Variants in RORA observed in about 807,000 individuals in gnomAD.
RORA encodes the protein nuclear receptor ROR-alpha.
Under a neutral mutation model 69.5 loss-of-function variants are expected in RORA, and 7 were observed. The ratio of observed to expected loss-of-function variants is 0.10; its 90% CI spans 0.06 to 0.19. The LOEUF (loss-of-function observed/expected upper bound fraction) is 0.19. RORA is among the 10% of genes least tolerant of loss of function. The pLI is 1.00. For synonymous variants in RORA, 261 were observed against 240.8 expected (o/e 1.08, Z -0.78); for missense variants, 457 against 663.0 (o/e 0.69, Z 3.41).
chr15:60,561,481 C>T (rs2067558790), intron 2 of RORA, among the ~76,000 whole-genome samples: 1 of 152,046 alleles, frequency 6.6e-6, no homozygotes, highest in Admixed American at 6.5e-5. Context: ...AAGTTAAACT[C>T]TTTAACTCTG....
intron 1 of RORA, among the ~76,000 whole-genome samples, chr15:60,993,426 G>A (rs1009396935): frequency 9.9e-5 from 15 of 151,968 alleles, no homozygotes; most frequent in African/African-American, 3.1e-4. Context: ...ATTACCTGAG[G>A]TCAGGAGTTC....
chr15:60,762,006 C>T lies in RORA; in HGVS notation c.167-83320G>A, dbSNP rs560961968. On this transcript the variant is annotated intron_variant, in intron 1 of 10. Coordinates refer to ENST00000335670, the MANE Select transcript of RORA (RefSeq NM_134261.3). ...TTGAAAACAGACTAATCCAAAACATCTGCAAGAATTTTATCTTTAAAAACC... is the reference window on the plus strand; with the variant it reads ...TTGAAAACAGACTAATCCAAAACATTTGCAAGAATTTTATCTTTAAAAACC... 2.0e-5 allele frequency among the ~76,000 whole-genome samples: 3 copies of T among 151,948 alleles called. No homozygotes were observed. The South Asian group carries it at 6.2e-4, about 32-fold the overall frequency.
At chr15:60,717,621 T>C (rs773586062) in intron 1 of RORA, among the ~76,000 whole-genome samples, 1 of 152,148 alleles carries the variant, frequency 6.6e-6, no homozygotes, top group East Asian at 1.9e-4. Context: ...TTTGGCATTG[T>C]CATTAATTAA....
intron 1 of RORA, among the ~76,000 whole-genome samples, chr15:60,987,533 T>C (rs1051955494): frequency 2.0e-5 from 3 of 152,166 alleles, no homozygotes; most frequent in Non-Finnish European, 4.4e-5. Flanking sequence ...CAACTTTCAT[T>C]ATTCCAGCCA....
At chr15:61,079,234 T>C (rs1007125765) in intron 1 of RORA, among the ~76,000 whole-genome samples, 3 of 152,218 alleles carry the variant, frequency 2.0e-5, no homozygotes, top group Admixed American at 2.0e-4. Context: ...CCAATTCATT[T>C]AGACAGTGCC....
At chr15:60,509,488 C>T (rs906773036) in intron 5 of RORA, among the ~76,000 whole-genome samples, 1 of 152,230 alleles carries the variant, frequency 6.6e-6, no homozygotes, top group Non-Finnish European at 1.5e-5. Context: ...TCAGCCATTT[C>T]TGGCCCCACT....
At chr15:61,003,995 G>GC (rs1056925397) in intron 1 of RORA, among the ~76,000 whole-genome samples, 28 of 143,258 alleles carry the variant, frequency 2.0e-4, no homozygotes, top group East Asian at 8.5e-4. Context: ...TTTTTTCATG[G>GC]CCCAAAAAAA....
At chr15:60,571,159 T>C (rs1033376185) in intron 2 of RORA, among the ~76,000 whole-genome samples, 2 of 152,032 alleles carry the variant, frequency 1.3e-5, no homozygotes, top group African/African-American at 2.4e-5. Flanking sequence ...ATTTTTTTTT[T>C]CCCGGGGAGT....
intron 1 of RORA, among the ~76,000 whole-genome samples, chr15:60,972,117 A>G (rs1038760911): frequency 1.3e-5 from 2 of 152,230 alleles, no homozygotes; most frequent in African/African-American, 4.8e-5. Flanking sequence ...CACTGCTCAA[A>G]TATTTTGTAA....
chr15:61,186,429 T>G (rs933924035), intron 1 of RORA, among the ~76,000 whole-genome samples: 1 of 151,702 alleles, frequency 6.6e-6, no homozygotes, highest in African/African-American at 2.4e-5. Flanking sequence ...TCACTTGAGG[T>G]CAGGAGTTCG....
intron 1 of RORA, among the ~76,000 whole-genome samples, chr15:61,044,239 C>T (rs1896919346): frequency 6.6e-6 from 1 of 152,128 alleles, no homozygotes; most frequent in South Asian, 2.1e-4. Flanking sequence ...AGATTCATGC[C>T]TTTCAGACTG....
chr15:60,531,603 TC>T lies in RORA; in HGVS notation c.282+162del. 1.8e-6 allele frequency: 1 copy of T among 546,418 alleles called. No individual in the cohort carries two copies. Among genetic ancestry groups the T allele is most frequent in the Non-Finnish European group, 3.2e-6 (1 of 313,754 alleles). 33.8% of individuals were successfully genotyped at this position (546,418 alleles called of 1,614,324 possible). ...GGAAGGAGTAAAAATATATATAACT[TC>T]TTTAATTGTAATTTAACACCAAAAT... is the stretch of plus-strand genomic sequence containing the variant. On this transcript the variant is annotated intron_variant, in intron 3 of 10. Transcript: ENST00000335670. This position sits in a 1 kb window ranked among gnomAD's most constrained non-coding sequence, Gnocchi z 4.8.
At chr15:60,661,070 A>T (rs945490638) in intron 2 of RORA, among the ~76,000 whole-genome samples, 17 of 138,652 alleles carry the variant, frequency 1.2e-4, no homozygotes, top group African/African-American at 4.4e-4. Context: ...AAAAAAAAAA[A>T]TAGAGGAGTT....
intron 1 of RORA, among the ~76,000 whole-genome samples, chr15:60,680,693 A>G (rs191541392): frequency 6.6e-6 from 1 of 152,330 alleles, no homozygotes; most frequent in East Asian, 1.9e-4. Flanking sequence ...TAGATAAAAT[A>G]CAGGCTACCC....
At chr15:60,567,412 TA>T (rs199574649) in intron 2 of RORA, among the ~76,000 whole-genome samples, 30 of 148,334 alleles carry the variant, frequency 2.0e-4, no homozygotes, top group African/African-American at 6.7e-4. Flanking sequence ...TTATTATTAT[TA>T]TTATTTTTTT....
At chr15:60,714,238 TA>T (rs1189351858) in intron 1 of RORA, among the ~76,000 whole-genome samples, 1 of 151,792 alleles carries the variant, frequency 6.6e-6, no homozygotes, top group African/African-American at 2.4e-5. Context: ...TTTGTATTTT[TA>T]GTAGAGATGG....
At chr15:60,934,694 T>C (rs1892470152) in intron 1 of RORA, among the ~76,000 whole-genome samples, 1 of 152,194 alleles carries the variant, frequency 6.6e-6, no homozygotes, top group South Asian at 2.1e-4. Flanking sequence ...TGATGTTGCC[T>C]GTCTGGGAGC....
intron 1 of RORA, among the ~76,000 whole-genome samples, chr15:61,026,894 T>C (rs1895846595): frequency 6.6e-6 from 1 of 152,184 alleles, no homozygotes; most frequent in African/African-American, 2.4e-5. Flanking sequence ...ATACGTTGTA[T>C]TTTCTTTCCC....
chr15:60,611,373 G>A (rs1255115066), intron 2 of RORA, among the ~76,000 whole-genome samples: 3 of 151,688 alleles, frequency 2.0e-5, no homozygotes, highest in African/African-American at 7.3e-5. Flanking sequence ...TAGGACATGA[G>A]TAGAATGAAA....
Sources: allele counts gnomAD v4.1 joint callset (sites outside exome capture counted in the v4.1 genomes callset), GRCh38; gene constraint gnomAD v4.1.1; non-coding constraint Gnocchi (gnomAD v3.1); transcripts MANE v1.5; gene names NCBI Gene and HGNC (gene_info 2026-07-23, HGNC 2026-07-21).